ADAMTS12: variants seen among roughly 807,000 people sequenced by gnomAD.
ADAMTS12 encodes A disintegrin and metalloproteinase with thrombospondin motifs 12.
A neutral mutation model predicts 167.8 loss-of-function variants in ADAMTS12; 118 were observed. The observed-to-expected ratio is 0.70, with a 90% CI of 0.61 to 0.82. The LOEUF is 0.82. ADAMTS12 is among the 40% of genes least tolerant of loss of function. The pLI is 0.00. For synonymous variants in ADAMTS12, 704 were observed against 716.9 expected (o/e 0.98, Z 0.29); for missense variants, 1,916 against 1,998.8 (o/e 0.96, Z 0.79).
chr5:33,714,003 C>T (rs1272953777), intron 3 of ADAMTS12, among the ~76,000 whole-genome samples: 6 of 152,088 alleles, frequency 3.9e-5, no homozygotes, highest in African/African-American at 1.4e-4. Context: ...CCAGGAAGAA[C>T]CTGAAATCTT....
chr5:33,631,342 A>AG (rs1264070164), intron 12 of ADAMTS12, among the ~76,000 whole-genome samples: 4 of 152,144 alleles, frequency 2.6e-5, no homozygotes, highest in African/African-American at 9.7e-5. Context: ...GTAGACCTCC[A>AG]GGGGACAGGC....
chr5:33,847,491 C>T (rs996082696), intron 2 of ADAMTS12, among the ~76,000 whole-genome samples: 1 of 152,128 alleles, frequency 6.6e-6, no homozygotes, highest in Non-Finnish European at 1.5e-5. Flanking sequence ...GGCAAGGTGG[C>T]ACATGCCTAT....
rs577787403 is a variant in ADAMTS12, at chr5:33,868,698, G to C, written c.489+12421C>G. 4.6e-5 allele frequency among the ~76,000 whole-genome samples: 7 copies of C among 152,304 alleles called. No individual in the cohort carries two copies. In the South Asian group the frequency reaches 1.0e-3, roughly 23 times the overall value. ...AACTGGAATTTACATTTAAAAGCAA[G>C]TTTGTCCAACCCATGGCCCATTGGT... On this transcript the variant is annotated intron_variant, in intron 2 of 23. Transcript: ENST00000504830.
intron 17 of ADAMTS12, among the ~76,000 whole-genome samples, chr5:33,590,201 A>G (rs1274643137): frequency 6.6e-6 from 1 of 152,228 alleles, no homozygotes; most frequent in Non-Finnish European, 1.5e-5. Context: ...TAATTTATCT[A>G]AGTACTTGCT....
At position 33,527,093 on chromosome 5, in the gene ADAMTS12, A is replaced by G. The variant is rs1055128289; in HGVS notation, c.*95T>C. On this transcript the variant is annotated 3_prime_UTR_variant, in exon 24 of 24. Coordinates refer to ENST00000504830, the MANE Select transcript of ADAMTS12 (RefSeq NM_030955.4). Reference sequence around the variant, plus strand: ...TGACCCAAAGCTGAATCTGAAATATATGAAGCAAAACCTCAACGAAGCAGC... The same window carrying G: ...TGACCCAAAGCTGAATCTGAAATATGTGAAGCAAAACCTCAACGAAGCAGC... 11 of 1,462,022 alleles carry G rather than the reference A, an allele frequency of 7.5e-6. No homozygotes were observed. The highest frequency in any genetic ancestry group is 2.8e-6 in the Non-Finnish European group (3 of 1,069,662). 90.6% of individuals were successfully genotyped at this position (1,462,022 alleles called of 1,614,324 possible).
intron 2 of ADAMTS12, among the ~76,000 whole-genome samples, chr5:33,870,228 C>T (rs1022769713): frequency 6.6e-6 from 1 of 152,054 alleles, no homozygotes. Flanking sequence ...TCACAGGGTC[C>T]TGAGGCGACA....
chr5:33,558,316 G>A (rs1745577665), intron 20 of ADAMTS12, among the ~76,000 whole-genome samples: 1 of 152,052 alleles, frequency 6.6e-6, no homozygotes, highest in African/African-American at 2.4e-5. Context: ...TTTGATATAA[G>A]GTTTATCTAT....
intron 3 of ADAMTS12, among the ~76,000 whole-genome samples, chr5:33,698,278 C>A (rs984280249): frequency 2.0e-5 from 3 of 152,152 alleles, no homozygotes; most frequent in Non-Finnish European, 4.4e-5. Flanking sequence ...TGAACCTACA[C>A]AAGCTGGGAT....
At chr5:33,592,667 A>G (rs1489279667) in intron 17 of ADAMTS12, among the ~76,000 whole-genome samples, 1 of 152,168 alleles carries the variant, frequency 6.6e-6, no homozygotes, top group African/African-American at 2.4e-5. Context: ...ATGTTTAGAT[A>G]ATCAAAAGTT....
chr5:33,600,623 A>G (rs980036084), intron 16 of ADAMTS12, among the ~76,000 whole-genome samples: 67 of 152,338 alleles, frequency 4.4e-4, no homozygotes, highest in African/African-American at 1.6e-3. Context: ...ATTTAATTAC[A>G]GCATGTGAAA....
chr5:33,789,791 T>C (rs889538596), intron 2 of ADAMTS12, among the ~76,000 whole-genome samples: 1 of 152,212 alleles, frequency 6.6e-6, no homozygotes, highest in Non-Finnish European at 1.5e-5. Context: ...TTCCCCACAG[T>C]GCTCTCAAGT....
intron 2 of ADAMTS12, among the ~76,000 whole-genome samples, chr5:33,781,766 T>C (rs1746137404): frequency 6.6e-6 from 1 of 152,110 alleles, no homozygotes; most frequent in African/African-American, 2.4e-5. Context: ...TACATATGTA[T>C]ACATGTGCCA....
At chr5:33,858,819 T>C (rs2910637) in intron 2 of ADAMTS12, among the ~76,000 whole-genome samples, 4,520 of 151,972 alleles carry the variant, frequency 0.03, 192 homozygotes, top group East Asian at 0.2. Context: ...CCAGCTCATC[T>C]CATTGGGACT....
In ADAMTS12 at chr5:33,637,688, C is replaced by G; in HGVS notation, c.1777G>C (p.Val593Leu). The part of the protein sequence containing the change: ...GERKRYRLCN[V>L]HPCRSEAPTF... The stretch of plus-strand genomic sequence containing the variant: ...GGTGCCTCTGAGCGACAGGGGTGGA[C>G]GTTGCACAAGCGATAGCGTTTTCTT... The change falls in exon 12 of 24, where the codon GTC becomes CTC. Residue 593 changes from valine to leucine, a missense_variant. Transcript: ENST00000504830. The G allele has an allele frequency of 6.2e-7, 1 of 1,613,716 alleles. No individual in the cohort carries two copies. The highest frequency in any genetic ancestry group is 1.1e-5 in the South Asian group (1 of 91,074).
At chr5:33,859,532 C>A (rs1259657431) in intron 2 of ADAMTS12, among the ~76,000 whole-genome samples, 1 of 152,222 alleles carries the variant, frequency 6.6e-6, no homozygotes, top group African/African-American at 2.4e-5. Context: ...GATATAACTC[C>A]CATCTCCCTG....
At chr5:33,540,209 C>T (rs1054998810) in intron 22 of ADAMTS12, among the ~76,000 whole-genome samples, 1 of 152,226 alleles carries the variant, frequency 6.6e-6, no homozygotes, top group Non-Finnish European at 1.5e-5. Flanking sequence ...TCATTGCTAG[C>T]GCAGCAGTCT....
intron 2 of ADAMTS12, among the ~76,000 whole-genome samples, chr5:33,824,450 T>C (rs950397793): frequency 5.3e-5 from 8 of 152,196 alleles, no homozygotes; most frequent in African/African-American, 1.9e-4. Context: ...CAGGTTTACA[T>C]TTTTGTAGGC....
rs1348385497 is a variant in ADAMTS12, at chr5:33,658,328, T to A, written c.1046A>T (p.Asp349Val). 1.2e-6 allele frequency: 2 copies of A among 1,613,188 alleles called. No individual in the cohort carries two copies. The highest frequency in any genetic ancestry group is 2.7e-5 in the African/African-American group (2 of 74,994). ...HDVAVLLTRK[D>V]ICAGFNRPCE... is the part of the protein sequence containing the mutation. Reference sequence around the variant, plus strand: ...GGGGCGATTGAAACCAGCACAGATGTCCTTTCTGAAAGCAGAGAATACAGA... The same window carrying A: ...GGGGCGATTGAAACCAGCACAGATGACCTTTCTGAAAGCAGAGAATACAGA... Residue 349 changes from aspartate (D) to valine (V), a missense_variant, in exon 7 of 24, where the codon GAC becomes GTC. Asp to Val is a radical substitution (Grantham distance 152, BLOSUM62 -3). Transcript: ENST00000504830.
At chr5:33,588,490 G>A in intron 18 of ADAMTS12, 109 bp downstream of exon 18, 1 of 1,307,558 alleles carries the variant, frequency 7.6e-7, no homozygotes, top group African/African-American at 1.5e-5. Flanking sequence ...ATGAACACTG[G>A]CTATTTTGCA....
Sources: gnomAD v4.1 joint callset for allele counts (sites outside exome capture counted in the v4.1 genomes callset) on GRCh38, gnomAD v4.1.1 for gene constraint, MANE v1.5 for transcripts, NCBI Gene and HGNC (gene_info 2026-07-23, HGNC 2026-07-21) for gene names.